Variants in AASS observed in about 807,000 individuals in gnomAD.
The protein encoded by AASS is alpha-aminoadipic semialdehyde synthase, mitochondrial.
A neutral mutation model predicts 105.4 loss-of-function variants in AASS; 86 were observed. The observed-to-expected ratio is 0.82, with a 90% confidence interval of 0.69 to 0.98. The LOEUF is 0.98. Among genes scored for constraint, AASS ranks in the 50% least tolerant of loss-of-function variants. The probability of loss-of-function intolerance (pLI) is 0.00; values close to 1 mark genes in which losing one functional copy is unlikely to be tolerated. For synonymous variants in AASS, 381 were observed against 394.8 expected (o/e 0.96, Z 0.41); for missense variants, 1,048 against 1,143.2 (o/e 0.92, Z 1.20).
At chr7:122,086,530 AT>A (rs1793635112) in intron 18 of AASS, among the ~76,000 whole-genome samples, 1 of 151,458 alleles carries the variant, frequency 6.6e-6, no homozygotes, top group Non-Finnish European at 1.5e-5. Flanking sequence ...TAAAATAAAC[AT>A]TTTAATTTTT....
At chr7:122,101,049 C>T (rs1363116160) in intron 13 of AASS, among the ~76,000 whole-genome samples, 6 of 151,694 alleles carry the variant, frequency 4.0e-5, no homozygotes, top group South Asian at 4.2e-4. Flanking sequence ...AGAAAATAAC[C>T]GAGGCATGAT....
At chr7:122,090,996 C>A (rs1371916543) in intron 18 of AASS, among the ~76,000 whole-genome samples, 3 of 152,006 alleles carry the variant, frequency 2.0e-5, no homozygotes, top group Admixed American at 1.3e-4. Flanking sequence ...TAGCTCTGAG[C>A]CACTTTAACA....
intron 3 of AASS, among the ~76,000 whole-genome samples, chr7:122,127,500 C>CA (rs944605785): frequency 5.3e-5 from 8 of 151,770 alleles, no homozygotes; most frequent in Admixed American, 1.3e-4. Context: ...GTTAAAATAA[C>CA]AAAAAAAGTT....
At chr7:122,076,825 G>A (rs1478727263) in intron 23 of AASS, among the ~76,000 whole-genome samples, 1 of 152,194 alleles carries the variant, frequency 6.6e-6, no homozygotes, top group East Asian at 1.9e-4. Context: ...AGCACAGCCG[G>A]ACCTAGGGAT....
At chr7:122,085,905 C>A (rs879128964) in intron 19 of AASS, 107 bp downstream of exon 19, 2 of 1,254,824 alleles carry the variant, frequency 1.6e-6, no homozygotes, top group Admixed American at 1.8e-5. Flanking sequence ...AAATAGACTC[C>A]AACTTGGTTT....
chr7:122,092,792 C>T (rs1424929609), intron 17 of AASS, 51 bp downstream of exon 17: 3 of 1,406,186 alleles, frequency 2.1e-6, no homozygotes, highest in Non-Finnish European at 3.0e-6. Flanking sequence ...TGATTCTGTA[C>T]ACAAGAATTT....
intron 15 of AASS, among the ~76,000 whole-genome samples, chr7:122,097,654 ATTT>A (rs1234682086): frequency 6.6e-6 from 1 of 152,014 alleles, no homozygotes; most frequent in African/African-American, 2.4e-5. Flanking sequence ...TTAGATCTGC[ATTT>A]TTGTTAGTAA....
chr7:122,124,120 T>C (rs1795550167), intron 4 of AASS, among the ~76,000 whole-genome samples: 1 of 152,166 alleles, frequency 6.6e-6, no homozygotes, highest in Non-Finnish European at 1.5e-5. Context: ...ACTATTATTT[T>C]CCCCCTCTTC....
intron 11 of AASS, among the ~76,000 whole-genome samples, chr7:122,108,553 C>T (rs1449169340): frequency 6.6e-6 from 1 of 151,966 alleles, no homozygotes; most frequent in Non-Finnish European, 1.5e-5. Flanking sequence ...ATCACATTGA[C>T]AGAATGAAGG....
intron 17 of AASS, 115 bp downstream of exon 17, chr7:122,092,724 CAAAA>C: frequency 1.3e-6 from 1 of 784,664 alleles, no homozygotes; most frequent in Admixed American, 2.3e-5. Context: ...AACTCAGTCT[CAAAA>C]AAAAAAAATC....
chr7:122,127,834 T>C (rs1404107550), intron 3 of AASS, among the ~76,000 whole-genome samples: 1 of 152,120 alleles, frequency 6.6e-6, no homozygotes, highest in Non-Finnish European at 1.5e-5. Context: ...AGACACCACC[T>C]GGTCTCTCAC....
chr7:122,089,169 C>T (rs1358203699), intron 18 of AASS, among the ~76,000 whole-genome samples: 2 of 152,126 alleles, frequency 1.3e-5, no homozygotes, highest in African/African-American at 4.8e-5. Flanking sequence ...GGCAAGAATA[C>T]AAGAGAGGTT....
chr7:122,108,339 G>A (rs1296672216), intron 11 of AASS, among the ~76,000 whole-genome samples: 1 of 151,948 alleles, frequency 6.6e-6, no homozygotes, highest in African/African-American at 2.4e-5. Flanking sequence ...CAGTGTTATT[G>A]TGATACCAAA....
rs758792237 is a variant in AASS at position 122,101,415 on chromosome 7, T to C, written c.1362A>G (p.Thr454=). The C allele has an allele frequency of 2.9e-5, 46 of 1,610,158 alleles. No individual in the cohort carries two copies. In the East Asian group the frequency reaches 8.9e-4, roughly 31 times the overall value. ...VRDAVITSNG[T]LPDKYKYIQT... ...GGATATATTTATATTTATCAGGTAA[T>C]GTACCGTTGGATGTAATCACTGCCT... Residue 454 remains threonine (T), a synonymous_variant, in exon 13 of 24, where the codon ACA becomes ACG. Transcript: ENST00000417368.
chr7:122,090,300 C>T (rs1316108124), intron 18 of AASS, among the ~76,000 whole-genome samples: 2 of 152,108 alleles, frequency 1.3e-5, no homozygotes, highest in African/African-American at 2.4e-5. Flanking sequence ...ATCATTAAAT[C>T]AGTTGTTCTC....
intron 18 of AASS, among the ~76,000 whole-genome samples, chr7:122,088,532 A>T (rs570944007): frequency 1.3e-5 from 2 of 152,232 alleles, no homozygotes; most frequent in East Asian, 3.9e-4. Context: ...TTTCTGGATC[A>T]GTATTTTGAA....
chr7:122,135,844 C>T (rs1796116425), intron 1 of AASS, among the ~76,000 whole-genome samples: 2 of 107,450 alleles, frequency 1.9e-5, no homozygotes, highest in African/African-American at 4.3e-5. Flanking sequence ...ATTTTATTTT[C>T]ACCCAGATGC....
chr7:122,142,068 C>T (rs1248236942), intron 1 of AASS, among the ~76,000 whole-genome samples: 1 of 152,166 alleles, frequency 6.6e-6, no homozygotes, highest in African/African-American at 2.4e-5. Flanking sequence ...GAACCAAGAG[C>T]TTGCAACAGA....
rs1253129642 is a variant in AASS at position 122,127,239 on chromosome 7, C to T, written c.388-780G>A. ...TTGCCTTCACTAAAAACATATTCTTCCTCTTTCCTTGAAAACCTTTCCTCT... is the reference window on the plus strand; with the variant it reads ...TTGCCTTCACTAAAAACATATTCTTTCTCTTTCCTTGAAAACCTTTCCTCT... On this transcript the variant is annotated intron_variant, in intron 3 of 23. Coordinates refer to ENST00000417368, the MANE Select transcript of AASS (RefSeq NM_005763.4). Among the ~76,000 whole-genome samples the T allele has an allele frequency of 2.0e-5, 3 of 152,120 alleles. 1 individual carries two copies. The highest frequency in any genetic ancestry group is 4.4e-5 in the Non-Finnish European group (3 of 68,014).
Sources: allele counts gnomAD v4.1 joint callset (sites outside exome capture counted in the v4.1 genomes callset), GRCh38; gene constraint gnomAD v4.1.1; transcripts MANE v1.5; gene names NCBI Gene and HGNC (gene_info 2026-07-23, HGNC 2026-07-21).